PLXNA4: variants seen among roughly 807,000 people sequenced by gnomAD.
PLXNA4 encodes plexin A4, also known as plexin-A4.
A neutral mutation model predicts 191.8 loss-of-function variants in PLXNA4; 44 were observed. The ratio of observed to expected loss-of-function variants is 0.23; its 90% CI spans 0.18 to 0.29. The LOEUF (loss-of-function observed/expected upper bound fraction) is 0.29. PLXNA4 is among the 10% of genes least tolerant of loss of function. The probability of loss-of-function intolerance (pLI) is 1.00; values close to 1 mark genes in which losing one functional copy is unlikely to be tolerated. For missense variants in PLXNA4, 1,800 were observed against 2,488.8 expected, an observed-to-expected ratio of 0.72 and a Z score of 5.89; for synonymous variants, 1,082 against 1,009.5, an observed-to-expected ratio of 1.07 and a Z score of -1.36.
chr7:132,162,127 CA>C (rs1795969510), intron 24 of PLXNA4, among the ~76,000 whole-genome samples: 1 of 152,236 alleles, frequency 6.6e-6, no homozygotes, highest in Admixed American at 6.5e-5. Context: ...CTCCTCCAGC[CA>C]CCGCCGAGTT....
At chr7:132,299,111 C>G (rs1416236113) in intron 3 of PLXNA4, among the ~76,000 whole-genome samples, 1 of 152,194 alleles carries the variant, frequency 6.6e-6, no homozygotes, top group Non-Finnish European at 1.5e-5. Flanking sequence ...CCAACATGAC[C>G]GCTGCGCAGT....
chr7:132,413,681 T>G (rs1794552136), intron 3 of PLXNA4, among the ~76,000 whole-genome samples: 1 of 152,198 alleles, frequency 6.6e-6, no homozygotes, highest in Admixed American at 6.5e-5. Context: ...GGCAAAATAT[T>G]AGCAATGCCC....
chr7:132,497,938 C>A (rs1798094023), intron 2 of PLXNA4, among the ~76,000 whole-genome samples: 1 of 152,132 alleles, frequency 6.6e-6, no homozygotes, highest in Non-Finnish European at 1.5e-5. Flanking sequence ...AGCCAGCAAG[C>A]CACAGTCACA....
chr7:132,202,614 C>A (rs1165700405), intron 12 of PLXNA4, 32 bp downstream of exon 12: 2 of 1,439,232 alleles, frequency 1.4e-6, no homozygotes, highest in South Asian at 1.6e-5. Context: ...GGAGCCTGCC[C>A]ATTTGGAGCA....
intron 1 of PLXNA4, among the ~76,000 whole-genome samples, chr7:132,563,994 C>G (rs866483664): frequency 1.5e-4 from 1 of 6,530 alleles, no homozygotes; most frequent in Admixed American, 1.7e-3. Context: ...TCCTCCTCCT[C>G]CTTCTCCTCC....
At chr7:132,540,712 C>T (rs7384018) in intron 1 of PLXNA4, among the ~76,000 whole-genome samples, 51,229 of 149,658 alleles carry the variant, frequency 0.34, 9,923 homozygotes, top group East Asian at 0.51. Flanking sequence ...CTCAGCCTCC[C>T]GAGTAGCTGG....
At chr7:132,312,110 C>T (rs955523049) in intron 3 of PLXNA4, among the ~76,000 whole-genome samples, 2 of 150,842 alleles carry the variant, frequency 1.3e-5, no homozygotes, top group Admixed American at 6.6e-5. Flanking sequence ...ACCTTTGATC[C>T]CAGTGAGGGA....
intron 30 of PLXNA4, among the ~76,000 whole-genome samples, chr7:132,136,467 C>A (rs1176803204): frequency 6.6e-6 from 1 of 152,214 alleles, no homozygotes; most frequent in Non-Finnish European, 1.5e-5. Context: ...GCTGGTCCCA[C>A]CACTGGCCTT....
intron 2 of PLXNA4, among the ~76,000 whole-genome samples, chr7:132,584,117 GC>G (rs756049473): frequency 1.1e-4 from 17 of 152,172 alleles, no homozygotes; most frequent in Non-Finnish European, 2.1e-4. Context: ...GCCCAGGCCT[GC>G]CCAGTTCTCA....
chr7:132,187,686 C>A, intron 14 of PLXNA4, 79 bp from the exon 15 acceptor site: 1 of 1,494,714 alleles, frequency 6.7e-7, no homozygotes, highest in Non-Finnish European at 8.9e-7. Flanking sequence ...GGCAGCACCC[C>A]ACTCCCCCAA....
intron 1 of PLXNA4, among the ~76,000 whole-genome samples, chr7:132,512,467 GA>G (rs1798758615): frequency 1.3e-5 from 2 of 152,198 alleles, no homozygotes; most frequent in African/African-American, 4.8e-5. Flanking sequence ...GGGATGGTGA[GA>G]TTACTACACC....
chr7:132,579,191 C>T (rs1398575951), upstream of PLXNA4, among the ~76,000 whole-genome samples: 1 of 152,098 alleles, frequency 6.6e-6, no homozygotes, highest in Non-Finnish European at 1.5e-5. Flanking sequence ...GAAGTGACAG[C>T]CCGGATAGCC....
In PLXNA4 at chr7:132,599,016, A is replaced by G. The variant is rs143122651; in HGVS notation, c.-87+46912T>C. On this transcript the variant is annotated intron_variant, in intron 2 of 4. Transcript: ENST00000378539. ...TAAGTAAATTTAGCCAAATCTGTTA[A>G]TTAAATAGTTCATCTTTCCCTCATT... Among the ~76,000 whole-genome samples, 29 of 152,276 alleles carry G rather than the reference A, an allele frequency of 1.9e-4. No individual in the cohort carries two copies. The East Asian group carries it at 5.6e-3, about 29-fold the overall frequency.
intron 4 of PLXNA4, among the ~76,000 whole-genome samples, chr7:132,274,922 C>A (rs1321278309): frequency 6.6e-6 from 1 of 151,898 alleles, no homozygotes; most frequent in Non-Finnish European, 1.5e-5. Flanking sequence ...TGCATCATAT[C>A]AAATTGTCAT....
chr7:132,449,820 C>T (rs773303499), intron 3 of PLXNA4, among the ~76,000 whole-genome samples: 9 of 152,254 alleles, frequency 5.9e-5, no homozygotes, highest in Non-Finnish European at 1.2e-4. Context: ...TACTTCCACC[C>T]TAATCTGGCA....
chr7:132,130,297 G>A lies in PLXNA4; in HGVS notation c.*182C>T. The A allele has an allele frequency of 1.2e-6, 1 of 846,508 alleles. No homozygotes were observed. The highest frequency in any genetic ancestry group is 2.9e-5 in the East Asian group (1 of 34,886). The allele number at this position is 846,508 out of a possible 1,614,324, so 52.4% of individuals were successfully genotyped here. A position where few individuals can be genotyped will look rare whatever the true frequency, so the allele number is the denominator to read the frequency against. ...GTCCAATCGTGTTGGCAGAGCAACT[G>A]GAAGAGAAGAGATCCAGGAAGGAGG... On this transcript the variant is annotated 3_prime_UTR_variant, in exon 32 of 32. Coordinates refer to ENST00000321063, the MANE Select transcript of PLXNA4 (RefSeq NM_020911.2).
intron 4 of PLXNA4, among the ~76,000 whole-genome samples, chr7:132,287,539 A>G (rs1026128611): frequency 1.3e-5 from 2 of 152,104 alleles, no homozygotes; most frequent in Non-Finnish European, 2.9e-5. Context: ...CGGGTATGAA[A>G]AGCCAAGTCC....
At chr7:132,282,681 T>C (rs1459397224) in intron 4 of PLXNA4, among the ~76,000 whole-genome samples, 2 of 139,462 alleles carry the variant, frequency 1.4e-5, no homozygotes, top group Non-Finnish European at 3.1e-5. Flanking sequence ...GTTCTAATAG[T>C]TTCTCCCCTT....
chr7:132,349,148 G>A (rs954004163), intron 3 of PLXNA4, among the ~76,000 whole-genome samples: 2 of 151,650 alleles, frequency 1.3e-5, no homozygotes, highest in Non-Finnish European at 3.0e-5. Context: ...TTTCTTGAAA[G>A]ATTTTTTTTA....
Sources: allele counts gnomAD v4.1 joint callset (sites outside exome capture counted in the v4.1 genomes callset), GRCh38; gene constraint gnomAD v4.1.1; transcripts MANE v1.5; gene names NCBI Gene and HGNC (gene_info 2026-07-23, HGNC 2026-07-21).